Variants in CTNNAL1 observed in about 807,000 individuals in gnomAD.
CTNNAL1 encodes catenin alpha like 1.
A neutral mutation model predicts 93.6 loss-of-function variants in CTNNAL1; 69 were observed. That is an observed-to-expected ratio of 0.74 (90% CI 0.61 to 0.90). The LOEUF is 0.90. Ranked by LOEUF, CTNNAL1 falls within the 40% of genes least tolerant of loss-of-function variation. The pLI is 0.00. For synonymous variants in CTNNAL1, 286 were observed against 305.4 expected (o/e 0.94, Z 0.66); for missense variants, 836 against 862.0 (o/e 0.97, Z 0.38).
intron 3 of CTNNAL1, chr9:108,991,827 CTT>C: frequency 2.1e-6 from 1 of 472,882 alleles, no homozygotes; most frequent in South Asian, 2.6e-5. Flanking sequence ...CTGCTCTCCT[CTT>C]TGCCTAGGGA....
Position 108,972,713 on chromosome 9 carries a change from C to T in CTNNAL1, c.1309G>A (p.Ala437Thr), listed in dbSNP as rs759325104. 9 of 1,613,988 alleles carry T rather than the reference C, an allele frequency of 5.6e-6. No individual in the cohort carries two copies. Among genetic ancestry groups the T allele is most frequent in the Non-Finnish European group, 6.8e-6 (8 of 1,179,972 alleles). ...EGNLEALAEYACKLSEQKEQL... is the reference protein window; with the variant it reads ...EGNLEALAEYTCKLSEQKEQL... ...TCTTTCTGTTCAGAGAGTTTACAGGCATATTCAGCCAAAGCTTCTAAATTT... is the reference window on the plus strand; with the variant it reads ...TCTTTCTGTTCAGAGAGTTTACAGGTATATTCAGCCAAAGCTTCTAAATTT... The change falls in exon 9 of 19, where the codon GCC (alanine) becomes ACC (threonine). Residue 437 changes from alanine (A) to threonine (T), a missense_variant. Ala to Thr is a moderately conservative substitution (Grantham distance 58, BLOSUM62 0). Transcript: ENST00000325551.
intron 11 of CTNNAL1, among the ~76,000 whole-genome samples, chr9:108,959,887 T>C (rs1412112608): frequency 1.3e-5 from 2 of 152,204 alleles, no homozygotes; most frequent in Admixed American, 1.3e-4. Context: ...CCCTCTCATC[T>C]TAAGGGAGCA....
chr9:108,976,484 C>T (rs2132139640), intron 8 of CTNNAL1, among the ~76,000 whole-genome samples: 1 of 152,012 alleles, frequency 6.6e-6, no homozygotes, highest in East Asian at 1.9e-4. Flanking sequence ...AGAATGATGG[C>T]ATTAATAAAA....
intron 15 of CTNNAL1, among the ~76,000 whole-genome samples, chr9:108,946,000 C>CTTAA (rs1223273886): frequency 6.6e-6 from 1 of 152,072 alleles, no homozygotes; most frequent in African/African-American, 2.4e-5. Context: ...AAAAACCTTA[C>CTTAA]TTAAAACATA....
Position 108,998,159 on chromosome 9 carries a change from C to T in CTNNAL1, c.331+908G>A, listed in dbSNP as rs370903488. ...AACTGGGGGCCATTTTTACCCCTCA[C>T]GGGACATTTGGCAATGTCTAGAGCT... On this transcript the variant is annotated intron_variant, in intron 2 of 18. Transcript: ENST00000325551. 2.0e-3 allele frequency among the ~76,000 whole-genome samples: 297 copies of T among 152,252 alleles called. 1 individual carries two copies. The highest frequency in any genetic ancestry group is 3.7e-3 in the Non-Finnish European group (254 of 68,006).
At chr9:108,965,338 T>G in intron 11 of CTNNAL1, 40 bp downstream of exon 11, 2 of 1,333,810 alleles carry the variant, frequency 1.5e-6, no homozygotes, top group South Asian at 2.5e-5. Context: ...AGAGTTACAT[T>G]AAAATAATAA....
intron 11 of CTNNAL1, among the ~76,000 whole-genome samples, chr9:108,961,808 T>C (rs1008917016): frequency 1.3e-5 from 2 of 152,238 alleles, no homozygotes; most frequent in African/African-American, 4.8e-5. Flanking sequence ...TTACCTCTTC[T>C]GTAATTTAGC....
intron 12 of CTNNAL1, among the ~76,000 whole-genome samples, chr9:108,954,011 A>ACTTTAT (rs1830632962): frequency 1.3e-5 from 2 of 152,186 alleles, no homozygotes; most frequent in African/African-American, 4.8e-5. Flanking sequence ...TTTTATTCAG[A>ACTTTAT]ATTTTATACT....
At chr9:108,989,888 A>G (rs1056837839) in intron 4 of CTNNAL1, among the ~76,000 whole-genome samples, 1 of 151,994 alleles carries the variant, frequency 6.6e-6, no homozygotes, top group East Asian at 1.9e-4. Context: ...TGTCTCTACT[A>G]AAAATACAAA....
At chr9:108,958,752 G>A (rs1330929706) in intron 11 of CTNNAL1, among the ~76,000 whole-genome samples, 1 of 150,708 alleles carries the variant, frequency 6.6e-6, no homozygotes, top group Non-Finnish European at 1.5e-5. Flanking sequence ...TTGAGACAGA[G>A]TCTCACTCTG....
intron 7 of CTNNAL1, among the ~76,000 whole-genome samples, chr9:108,977,648 C>A (rs1381045393): frequency 6.6e-6 from 1 of 152,144 alleles, no homozygotes; most frequent in Non-Finnish European, 1.5e-5. Flanking sequence ...AAGCTGGGTT[C>A]ACATCTATTT....
At chr9:108,994,267 A>G (rs1831929038) in intron 2 of CTNNAL1, among the ~76,000 whole-genome samples, 1 of 152,126 alleles carries the variant, frequency 6.6e-6, no homozygotes, top group Admixed American at 6.6e-5. Flanking sequence ...GTAGGAGTAC[A>G]TAAAATAGAA....
intron 9 of CTNNAL1, among the ~76,000 whole-genome samples, 153 bp downstream of exon 9, chr9:108,972,522 A>G (rs1434641286): frequency 6.6e-6 from 1 of 152,176 alleles, no homozygotes; most frequent in African/African-American, 2.4e-5. Context: ...CTGTTGCAGG[A>G]ACAGAACAGA....
In CTNNAL1 at chr9:108,983,148, G is replaced by T; in HGVS notation, c.897C>A (p.Phe299Leu). 6.6e-7 allele frequency: 1 copy of T among 1,507,700 alleles called. No homozygotes were observed. Among genetic ancestry groups the T allele is most frequent in the Non-Finnish European group, 8.8e-7 (1 of 1,131,002 alleles). The allele number at this position is 1,507,700 out of a possible 1,614,324, so 93.4% of individuals were successfully genotyped here. A position where few individuals can be genotyped will look rare whatever the true frequency, so the allele number is the denominator to read the frequency against. ...SISIFTGIKE[F>L]KMNIEALREN... Reference sequence around the variant, plus strand: ...AATATACTCTCTTTATTCTTACCTTGAATTCCTTAATTCCAGTAAAAATAC... The same window carrying T: ...AATATACTCTCTTTATTCTTACCTTTAATTCCTTAATTCCAGTAAAAATAC... Residue 299 changes from phenylalanine to leucine, a missense_variant, in exon 6 of 19, where the codon TTC becomes TTA. Physicochemically the swap from Phe to Leu is conservative, Grantham distance 22 (BLOSUM62 0). Transcript: ENST00000325551.
Position 108,992,653 on chromosome 9 carries a change from C to A in CTNNAL1, c.498G>T (p.Gln166His). The change falls in exon 3 of 19, where the codon CAG becomes CAT. Residue 166 changes from glutamine to histidine, a missense_variant. Coordinates refer to ENST00000325551, the MANE Select transcript of CTNNAL1 (RefSeq NM_003798.4). ...LLLADRVVIK[Q>H]IITSRNKVLA... Reference sequence around the variant, plus strand: ...GTACCTTATTTCTTGATGTTATTATCTGTTTAATGACTACTCGGTCTGCCA... The same window carrying A: ...GTACCTTATTTCTTGATGTTATTATATGTTTAATGACTACTCGGTCTGCCA... 6.2e-7 allele frequency: 1 copy of A among 1,611,264 alleles called. No homozygotes were observed.
intron 15 of CTNNAL1, among the ~76,000 whole-genome samples, chr9:108,945,637 T>G (rs75101954): frequency 3.4e-5 from 5 of 148,362 alleles, no homozygotes; most frequent in East Asian, 2.0e-4. Context: ...AGTTTTTTTT[T>G]TTTTTGTTTT....
intron 10 of CTNNAL1, among the ~76,000 whole-genome samples, chr9:108,968,980 A>C (rs1831033791): frequency 6.6e-6 from 1 of 152,132 alleles, no homozygotes; most frequent in Non-Finnish European, 1.5e-5. Context: ...ACTCTAAGAA[A>C]GAAGGAAACA....
chr9:108,972,864 G>GGGGGGGGGGGGGGCCCCCC, intron 8 of CTNNAL1, 31 bp from the exon 9 acceptor site: 3 of 142,546 alleles, frequency 2.1e-5, no homozygotes, highest in Non-Finnish European at 3.0e-5. Flanking sequence ...GGGGGGGTGG[G>GGGGGGGGGGGGGGCCCCCC]AGGGTGGAGA....
At chr9:108,968,334 AAAAGCTTC>A (rs1564130517) in intron 10 of CTNNAL1, among the ~76,000 whole-genome samples, 2 of 152,236 alleles carry the variant, frequency 1.3e-5, no homozygotes, top group African/African-American at 4.8e-5. Context: ...TGGGAACAGA[AAAAGCTTC>A]TCAAGTTATG....
Sources: allele counts gnomAD v4.1 joint callset (sites outside exome capture counted in the v4.1 genomes callset), GRCh38; gene constraint gnomAD v4.1.1; transcripts MANE v1.5; gene names NCBI Gene and HGNC (gene_info 2026-07-23, HGNC 2026-07-21).